The following PDE6B variants were observed in gnomAD, a reference collection of about 807,000 sequenced individuals.
PDE6B encodes rod cGMP-specific 3',5'-cyclic phosphodiesterase subunit beta.
A neutral mutation model predicts 109.0 loss-of-function variants in PDE6B; 106 were observed. That is an observed-to-expected ratio of 0.97 (90% CI 0.83 to 1.14). PDE6B has a LOEUF of 1.14. Among genes scored for constraint, PDE6B ranks in the 50% most tolerant of loss-of-function variants. PDE6B has a pLI of 0.00. For missense variants in PDE6B, 1,193 were observed against 1,155.6 expected (o/e 1.03, Z -0.47); for synonymous variants, 490 against 471.3 (o/e 1.04, Z -0.51).
chr4:663,145 G>A lies in PDE6B; in HGVS notation c.1878G>A (p.Glu626=). The change falls in exon 15 of 22, where the codon GAG becomes GAA. Residue 626 remains glutamate (E), a synonymous_variant. Coordinates refer to ENST00000496514, the MANE Select transcript of PDE6B (RefSeq NM_000283.4). The surrounding 1 kb of genome is among the most constrained non-coding windows in gnomAD (Gnocchi z 4.0). The part of the protein sequence containing the change: ...LAKLHGSSIL[E]RHHLEFGKFL... ...AGCTCCACGGCTCCTCGATTTTGGAGCGGCACCACCTGGAGTTTGGGAAGT... is the reference window on the plus strand; with the variant it reads ...AGCTCCACGGCTCCTCGATTTTGGAACGGCACCACCTGGAGTTTGGGAAGT... 1.9e-6 allele frequency: 3 copies of A among 1,612,492 alleles called. No homozygotes were observed. Among genetic ancestry groups the A allele is most frequent in the South Asian group, 2.2e-5 (2 of 91,046 alleles).
chr4:661,874 C>T (rs910936266), intron 12 of PDE6B: 10 of 520,640 alleles, frequency 1.9e-5, no homozygotes, highest in Admixed American at 3.2e-5. Context: ...GGAGGCTGGG[C>T]GGCCCCTGAA....
intron 12 of PDE6B, chr4:661,901 AGCTCCTGCCCTACCTG>A: frequency 1.8e-6 from 1 of 564,570 alleles, no homozygotes; most frequent in Non-Finnish European, 3.2e-6. Flanking sequence ...GGCTGTTCTC[AGCTCCTGCCCTACCTG>A]GCTCCACCCC....
In PDE6B at chr4:666,593, C is replaced by G; in HGVS notation, c.2331C>G (p.Phe777Leu). ...LPKLQVGFID[F>L]VCTFVYKEFS... ...AGCTGCAAGTGGGCTTCATCGACTTCGTGTGCACATTCGTGTACAAGGCGA... is the reference window on the plus strand; with the variant it reads ...AGCTGCAAGTGGGCTTCATCGACTTGGTGTGCACATTCGTGTACAAGGCGA... Residue 777 changes from phenylalanine (F) to leucine (L), a missense_variant, in exon 20 of 22, where the codon TTC becomes TTG. Transcript: ENST00000496514. The surrounding 1 kb of genome is among the most constrained non-coding windows in gnomAD (Gnocchi z 5.6). The G allele has an allele frequency of 6.2e-7, 1 of 1,611,688 alleles. No homozygotes were observed. The highest frequency in any genetic ancestry group is 1.1e-5 in the South Asian group (1 of 91,038).
chr4:663,721 C>A lies in PDE6B; in HGVS notation c.1921-49C>A, dbSNP rs372792592. 135 of 1,435,778 alleles carry A rather than the reference C, an allele frequency of 9.4e-5. No homozygotes were observed. The African/African-American group carries it at 1.5e-3, about 16-fold the overall frequency. The allele number at this position is 1,435,778 out of a possible 1,614,324, so 88.9% of individuals were successfully genotyped here. Reference sequence around the variant, plus strand: ...GGAAGGGGCGGGGTCCCCGGGCACCCTGAGAGGTGGCCGCAGGGCGCCTGA... The same window carrying A: ...GGAAGGGGCGGGGTCCCCGGGCACCATGAGAGGTGGCCGCAGGGCGCCTGA... On this transcript the variant is annotated intron_variant, in intron 15 of 21. Coordinates refer to ENST00000496514, the MANE Select transcript of PDE6B (RefSeq NM_000283.4). This position sits in a 1 kb window ranked among gnomAD's most constrained non-coding sequence, Gnocchi z 4.0.
intron 3 of PDE6B, among the ~76,000 whole-genome samples, chr4:642,339 G>A (rs1199982511): frequency 6.6e-6 from 1 of 152,092 alleles, no homozygotes; most frequent in East Asian, 1.9e-4. Context: ...AGCCAGGCAT[G>A]GTGGTGCATG....
chr4:656,764 C>A, intron 8 of PDE6B, 110 bp from the exon 9 acceptor site: 1 of 972,066 alleles, frequency 1.0e-6, no homozygotes, highest in South Asian at 1.3e-5. Flanking sequence ...GAACACGAGC[C>A]CAGCCGTCAC....
intron 3 of PDE6B, among the ~76,000 whole-genome samples, chr4:646,711 C>T (rs1735222023): frequency 6.6e-6 from 1 of 152,016 alleles, no homozygotes; most frequent in Non-Finnish European, 1.5e-5. Context: ...GGCCGGGCGG[C>T]GGCGCACTGC....
Position 662,380 on chromosome 4 carries a change from C to G in PDE6B, c.1723-129C>G. 1.2e-6 allele frequency: 1 copy of G among 820,934 alleles called. No homozygotes were observed. Among genetic ancestry groups the G allele is most frequent in the Non-Finnish European group, 2.1e-6 (1 of 481,542 alleles). 50.9% of individuals were successfully genotyped at this position (820,934 alleles called of 1,614,324 possible). On this transcript the variant is annotated intron_variant, in intron 13 of 21. Transcript: ENST00000496514. The surrounding 1 kb of genome is among the most constrained non-coding windows in gnomAD (Gnocchi z 4.3). ...GGGCAACGCCCTCTGACACCGTGCACCGCGCACCCCAGCCCTGCGGTGGTC... is the reference window on the plus strand; with the variant it reads ...GGGCAACGCCCTCTGACACCGTGCAGCGCGCACCCCAGCCCTGCGGTGGTC...
At chr4:654,269 C>A (rs763122450) in intron 5 of PDE6B, 115 bp downstream of exon 5, 31 of 928,932 alleles carry the variant, frequency 3.3e-5, no homozygotes, top group Non-Finnish European at 5.2e-5. Flanking sequence ...GGGAACTGGC[C>A]GGTGGGACCC....
chr4:661,876 GCCCCTGAAGGCTGGGGCTGTTCTCAGCTC>G, intron 12 of PDE6B: 6 of 524,782 alleles, frequency 1.1e-5, no homozygotes, highest in Non-Finnish European at 2.1e-5. Context: ...AGGCTGGGCG[GCCCCTGAAGGCTGGGGCTGTTCTCAGCTC>G]CTGCCCTACC....
chr4:643,348 T>A (rs1322912593), intron 3 of PDE6B, among the ~76,000 whole-genome samples: 2 of 151,862 alleles, frequency 1.3e-5, no homozygotes, highest in African/African-American at 2.4e-5. Context: ...TCTATATTCA[T>A]GAGCTACATT....
rs183555743 is a variant in PDE6B at position 632,472 on chromosome 4, G to A, written c.469-2205G>A. The stretch of plus-strand genomic sequence containing the variant: ...TCAGGGTCACGTTGTGTGGATCTGC[G>A]TGGCAGCATCTCTGGATCACGTTTT... On this transcript the variant is annotated intron_variant, in intron 1 of 21. Transcript: ENST00000496514. Among the ~76,000 whole-genome samples the A allele has an allele frequency of 1.9e-3, 288 of 151,592 alleles. 1 individual carries two copies. The highest frequency in any genetic ancestry group is 5.9e-3 in the African/African-American group (244 of 41,290).
intron 3 of PDE6B, among the ~76,000 whole-genome samples, chr4:640,212 G>A (rs1734879299): frequency 6.6e-6 from 1 of 152,144 alleles, no homozygotes; most frequent in Admixed American, 6.6e-5. Flanking sequence ...ACTTTACACT[G>A]TATTTTGCAA....
At chr4:668,044 G>A (rs1478456964) in intron 21 of PDE6B, 38 bp downstream of exon 21, 2 of 1,594,470 alleles carry the variant, frequency 1.3e-6, no homozygotes, top group East Asian at 2.2e-5. Flanking sequence ...GGGACTCGGT[G>A]ACTCTCCCAA....
At chr4:645,541 C>G (rs561918128) in intron 3 of PDE6B, among the ~76,000 whole-genome samples, 1 of 151,690 alleles carries the variant, frequency 6.6e-6, no homozygotes, top group Non-Finnish European at 1.5e-5. Context: ...GTGATCCGCC[C>G]GCCTCGGCCT....
intron 3 of PDE6B, among the ~76,000 whole-genome samples, chr4:639,471 C>T (rs1734846876): frequency 6.6e-6 from 1 of 152,270 alleles, no homozygotes; most frequent in East Asian, 1.9e-4. Flanking sequence ...GAATAGAGAG[C>T]AGGTCCCTTA....
intron 5 of PDE6B, 157 bp from the exon 6 acceptor site, chr4:654,667 G>A: frequency 2.7e-6 from 2 of 748,656 alleles, no homozygotes; most frequent in Admixed American, 3.5e-5. Context: ...CCTGCGCACG[G>A]CGGAGACATC....
Position 663,654 on chromosome 4 carries a change from G to T in PDE6B, c.1921-116G>T. On this transcript the variant is annotated intron_variant, in intron 15 of 21. Coordinates refer to ENST00000496514, the MANE Select transcript of PDE6B (RefSeq NM_000283.4). This position sits in a 1 kb window ranked among gnomAD's most constrained non-coding sequence, Gnocchi z 4.0. ...GCGGATTAGGGGTCCCGCCCACCGA[G>T]GGCCCGAGGGCGGGGGCGTGAGAGG... 1.3e-6 allele frequency: 1 copy of T among 757,386 alleles called. No homozygotes were observed. The highest frequency in any genetic ancestry group is 2.4e-6 in the Non-Finnish European group (1 of 422,672). The allele number at this position is 757,386 out of a possible 1,614,324, so 46.9% of individuals were successfully genotyped here.
intron 11 of PDE6B, among the ~76,000 whole-genome samples, chr4:659,883 T>C (rs900598861): frequency 4.6e-5 from 7 of 152,240 alleles, no homozygotes; most frequent in African/African-American, 1.7e-4. Flanking sequence ...TGTCTGCCTA[T>C]GCAATTTAGC....
Sources: gnomAD v4.1 joint callset for allele counts (sites outside exome capture counted in the v4.1 genomes callset) on GRCh38, gnomAD v4.1.1 for gene constraint, Gnocchi (gnomAD v3.1) non-coding constraint, MANE v1.5 for transcripts, NCBI Gene and HGNC (gene_info 2026-07-23, HGNC 2026-07-21) for gene names.